The following ATP2B2 variants were observed in gnomAD, a reference collection of about 807,000 sequenced individuals.
The protein encoded by ATP2B2 is plasma membrane calcium-transporting ATPase 2.
In ATP2B2, 15 loss-of-function variants were observed where a neutral mutation model predicts 120.0. That is an observed-to-expected ratio of 0.12 (90% CI 0.08 to 0.19). The LOEUF is 0.19. Ranked by LOEUF, ATP2B2 falls within the 10% of genes least tolerant of loss-of-function variation. The pLI is 1.00. For missense variants in ATP2B2, 1,045 were observed against 1,719.8 expected (o/e 0.61, Z 6.94); for synonymous variants, 694 against 700.3 (o/e 0.99, Z 0.14).
intron 5 of ATP2B2, among the ~76,000 whole-genome samples, chr3:10,393,243 G>C (rs949369378): frequency 6.6e-6 from 1 of 152,200 alleles, no homozygotes; most frequent in Non-Finnish European, 1.5e-5. Context: ...CCAGTGTGAT[G>C]GTAGCGGGCG....
At chr3:10,490,187 T>TAC (rs2065881228) in intron 1 of ATP2B2, among the ~76,000 whole-genome samples, 1 of 152,202 alleles carries the variant, frequency 6.6e-6, no homozygotes, top group Non-Finnish European at 1.5e-5. Flanking sequence ...GACTTACAAT[T>TAC]ACTGGTTTCT....
chr3:10,648,065 G>C (rs1022623552), intron 1 of ATP2B2, among the ~76,000 whole-genome samples: 6 of 152,192 alleles, frequency 3.9e-5, no homozygotes, highest in African/African-American at 1.4e-4. Flanking sequence ...GGGAGCACTT[G>C]GGCATATAAG....
intron 3 of ATP2B2, among the ~76,000 whole-genome samples, chr3:10,405,874 G>A (rs2062393807): frequency 6.6e-6 from 1 of 152,194 alleles, no homozygotes; most frequent in Non-Finnish European, 1.5e-5. Context: ...CACTCTTTTG[G>A]CACTCTGGCA....
intron 1 of ATP2B2, among the ~76,000 whole-genome samples, chr3:10,624,324 C>G (rs1450947832): frequency 6.6e-6 from 1 of 152,172 alleles, no homozygotes; most frequent in Non-Finnish European, 1.5e-5. Flanking sequence ...TCCAAAATGT[C>G]TTTCCTTTAT....
chr3:10,650,539 C>A (rs2070429477), intron 1 of ATP2B2, among the ~76,000 whole-genome samples: 1 of 152,164 alleles, frequency 6.6e-6, no homozygotes, highest in Non-Finnish European at 1.5e-5. Context: ...AAATTCAAGC[C>A]AGCGGCAGAA....
At chr3:10,330,088 G>C (rs2059937211) in intron 22 of ATP2B2, 2 of 153,086 alleles carry the variant, frequency 1.3e-5, no homozygotes, top group African/African-American at 4.8e-5. Context: ...GCTGGAATCA[G>C]ATGGCCAAAC....
chr3:10,410,876 G>A, intron 2 of ATP2B2, 61 bp from the exon 3 acceptor site: 1 of 1,568,390 alleles, frequency 6.4e-7, no homozygotes, highest in Non-Finnish European at 8.7e-7. Flanking sequence ...CATGTTCTGG[G>A]AATCTAGGGG....
At chr3:10,707,672 G>C (rs2071917368) in intron 1 of ATP2B2, among the ~76,000 whole-genome samples, 2 of 152,090 alleles carry the variant, frequency 1.3e-5, no homozygotes, top group Admixed American at 1.3e-4. Context: ...CGCCGGGTCC[G>C]CGGACGCCCA....
At chr3:10,386,625 C>T (rs2061689367) in intron 6 of ATP2B2, 113 bp from the exon 7 acceptor site, 1 of 1,173,118 alleles carries the variant, frequency 8.5e-7, no homozygotes, top group Non-Finnish European at 1.3e-6. Context: ...GGCCATACAC[C>T]TAGGGTCATC....
At chr3:10,613,425 C>T (rs1459733047) in intron 2 of ATP2B2, among the ~76,000 whole-genome samples, 2 of 152,086 alleles carry the variant, frequency 1.3e-5, no homozygotes, top group Non-Finnish European at 2.9e-5. Flanking sequence ...GCTTGGGGAC[C>T]CTCCTGGTAG....
intron 1 of ATP2B2, among the ~76,000 whole-genome samples, chr3:10,483,544 C>T (rs39670): frequency 0.25 from 37,334 of 152,064 alleles, 4,688 homozygotes; most frequent in Admixed American, 0.3. Flanking sequence ...GATTTCCAAA[C>T]CAGAATATCC....
At chr3:10,451,799 T>C (rs1575269183) in intron 1 of ATP2B2, among the ~76,000 whole-genome samples, 1 of 152,148 alleles carries the variant, frequency 6.6e-6, no homozygotes, top group Non-Finnish European at 1.5e-5. Flanking sequence ...ACAGAATCCA[T>C]GAGTTTTGAC....
intron 2 of ATP2B2, among the ~76,000 whole-genome samples, chr3:10,596,528 A>G (rs1439755546): frequency 6.6e-6 from 1 of 152,240 alleles, no homozygotes; most frequent in Non-Finnish European, 1.5e-5. Context: ...GAACATTTTT[A>G]GTAGCATGCC....
chr3:10,461,554 A>G lies in ATP2B2; in HGVS notation c.-319-11692T>C, dbSNP rs915364516. Among the ~76,000 whole-genome samples, 15 of 152,302 alleles carry G rather than the reference A, an allele frequency of 9.8e-5. No individual in the cohort carries two copies. In the East Asian group the frequency reaches 2.9e-3, roughly 29 times the overall value. ...CAAGGACCCCAGAACAGGGCTTCTC[A>G]AAGTGGTTCCCTGAGGGCTACCTAT... is the stretch of plus-strand genomic sequence containing the variant. On this transcript the variant is annotated intron_variant, in intron 1 of 22. Coordinates refer to ENST00000360273, the MANE Select transcript of ATP2B2 (RefSeq NM_001001331.4).
rs1057261655 is a variant in ATP2B2 at position 10,400,989 on chromosome 3, G to C, written c.745C>G (p.Arg249Gly). Residue 249 changes from arginine (R) to glycine (G), a missense_variant, in exon 5 of 23, where the codon CGC (arginine) becomes GGC (glycine). Around this residue, in one of 11 missense-constraint regions of ATP2B2, gnomAD observed 145 missense variants for 202.0 expected, o/e 0.72. Coordinates refer to ENST00000360273, the MANE Select transcript of ATP2B2 (RefSeq NM_001001331.4). The stretch of plus-strand genomic sequence containing the variant: ...ATGGGGTCCTTGTCCACGGACTTGC[G>C]CACCTGGTCAGACTCTCCAGTTAGG... The part of the protein sequence containing the change: ...SSLTGESDQV[R>G]KSVDKDPMLL... 1 of 1,614,146 alleles carries C rather than the reference G, an allele frequency of 6.2e-7. No homozygotes were observed. The highest frequency in any genetic ancestry group is 1.1e-5 in the South Asian group (1 of 91,074).
chr3:10,492,738 C>A lies in ATP2B2; in HGVS notation c.-320+12727G>T, dbSNP rs144825574. Among the ~76,000 whole-genome samples the A allele has an allele frequency of 1.5e-3, 227 of 152,266 alleles. 1 individual carries two copies. Among genetic ancestry groups the A allele is most frequent in the South Asian group, 9.1e-3 (44 of 4,816 alleles). On this transcript the variant is annotated intron_variant, in intron 1 of 22. Coordinates refer to ENST00000360273, the MANE Select transcript of ATP2B2 (RefSeq NM_001001331.4). ...CTCAGGAAAGGCAGGTGGATCAAGG[C>A]GGGGGTTTCTAGGCAACCTCTCCAC...
chr3:10,505,939 AG>A (rs2066612119), upstream of ATP2B2, among the ~76,000 whole-genome samples: 1 of 151,530 alleles, frequency 6.6e-6, no homozygotes, highest in South Asian at 2.1e-4. Context: ...GGGCACGGAG[AG>A]GGTAGGGCTG....
intron 22 of ATP2B2, among the ~76,000 whole-genome samples, chr3:10,335,777 T>C (rs1277389032): frequency 6.6e-6 from 1 of 152,222 alleles, no homozygotes; most frequent in African/African-American, 2.4e-5. Context: ...TGGGACACTC[T>C]GTGTCCCCTC....
At chr3:10,432,631 C>T (rs530500129) in intron 2 of ATP2B2, among the ~76,000 whole-genome samples, 3 of 152,374 alleles carry the variant, frequency 2.0e-5, no homozygotes, top group African/African-American at 4.8e-5. Flanking sequence ...AGGATGCTGG[C>T]GGCTTCACGC....
Sources: gnomAD v4.1 joint callset for allele counts (sites outside exome capture counted in the v4.1 genomes callset) on GRCh38, gnomAD v4.1.1 for gene constraint, gnomAD v4.1.1 regional missense constraint, MANE v1.5 for transcripts, NCBI Gene and HGNC (gene_info 2026-07-23, HGNC 2026-07-21) for gene names.